KANK1: variants seen among roughly 807,000 people sequenced by gnomAD.
KANK1 encodes the protein KN motif and ankyrin repeat domains 1.
In KANK1, 109 loss-of-function variants were observed where a neutral mutation model predicts 106.2. The ratio of observed to expected loss-of-function variants is 1.03; its 90% CI spans 0.88 to 1.20. KANK1 has a LOEUF of 1.20. Ranked by LOEUF, KANK1 falls within the 50% of genes most tolerant of loss-of-function variation. The pLI, the probability that KANK1 is intolerant of heterozygous loss-of-function variation, is 0.00. For synonymous variants in KANK1, 873 were observed against 652.2 expected (o/e 1.34, Z -5.16); for missense variants, 2,399 against 1,710.7 (o/e 1.40, Z -7.10).
At chr9:550,392 T>G (rs1315943299) in intron 1 of KANK1, among the ~76,000 whole-genome samples, 1 of 152,240 alleles carries the variant, frequency 6.6e-6, no homozygotes, top group Non-Finnish European at 1.5e-5. Flanking sequence ...GAAGCCTGAT[T>G]GCAGATCTCG....
intron 2 of KANK1, among the ~76,000 whole-genome samples, chr9:700,149 G>C (rs1822290680): frequency 6.6e-6 from 1 of 152,160 alleles, no homozygotes; most frequent in African/African-American, 2.4e-5. Context: ...TGAATGAACG[G>C]GTTTTATCTG....
chr9:514,145 TTC>T (rs1563696818), intron 1 of KANK1, among the ~76,000 whole-genome samples: 66 of 56,374 alleles, frequency 1.2e-3, no homozygotes, highest in African/African-American at 5.4e-3. Flanking sequence ...CCTCCCTCCC[TTC>T]CTCTCTCCCT....
chr9:552,393 G>A (rs1290582015), intron 1 of KANK1, among the ~76,000 whole-genome samples: 2 of 152,160 alleles, frequency 1.3e-5, no homozygotes, highest in Non-Finnish European at 2.9e-5. Context: ...TTTTTATGAA[G>A]GCCGCACACC....
rs148049100 is a variant in KANK1, at chr9:680,586, G to A, written c.37+3577G>A. The stretch of plus-strand genomic sequence containing the variant: ...CCAGATATACATGAGCACCTACTAC[G>A]TGCTGTTTTAGGTACTGGGGATACA... On this transcript the variant is annotated intron_variant, in intron 2 of 11. Transcript: ENST00000382297. 2.1e-3 allele frequency among the ~76,000 whole-genome samples: 319 copies of A among 152,224 alleles called. 4 individuals are homozygous for A. Among genetic ancestry groups the A allele is most frequent in the African/African-American group, 7.1e-3 (295 of 41,536 alleles).
At chr9:735,170 A>T (rs557794604) in intron 7 of KANK1, among the ~76,000 whole-genome samples, 5 of 152,208 alleles carry the variant, frequency 3.3e-5, no homozygotes, top group Admixed American at 2.6e-4. Context: ...ATAGAACAGT[A>T]AGATCCAGGG....
chr9:726,621 G>C (rs1287966890), intron 3 of KANK1, among the ~76,000 whole-genome samples: 2 of 151,592 alleles, frequency 1.3e-5, no homozygotes, highest in African/African-American at 2.4e-5. Flanking sequence ...CCTAGCAACA[G>C]AGTAAGACTC....
At chr9:625,870 C>T (rs961148099) in intron 1 of KANK1, among the ~76,000 whole-genome samples, 2 of 152,104 alleles carry the variant, frequency 1.3e-5, no homozygotes, top group African/African-American at 2.4e-5. Context: ...CCACTCGGTT[C>T]ATTTCCCGGT....
chr9:695,967 C>G (rs1009981121), intron 2 of KANK1, among the ~76,000 whole-genome samples: 3 of 152,028 alleles, frequency 2.0e-5, no homozygotes, highest in African/African-American at 7.2e-5. Flanking sequence ...GGCCATGTAC[C>G]AAGCGCCAAG....
At chr9:598,557 TA>T (rs1430144042) in intron 1 of KANK1, among the ~76,000 whole-genome samples, 1 of 150,836 alleles carries the variant, frequency 6.6e-6, no homozygotes, top group Non-Finnish European at 1.5e-5. Context: ...TTCCAGTGTG[TA>T]AGTCTTTTGC....
In KANK1 at chr9:675,784, A is replaced by G. The variant is rs146617074; in HGVS notation, c.-83-1106A>G. 2.9e-4 allele frequency among the ~76,000 whole-genome samples: 44 copies of G among 152,312 alleles called. 1 individual carries two copies. Among genetic ancestry groups the G allele is most frequent in the African/African-American group, 1.0e-3 (43 of 41,554 alleles). ...AGTTTATTAAGAAAATAAAGGAATA[A>G]AGAATGGCTACTCCATAGGCAGAGC... On this transcript the variant is annotated intron_variant, in intron 1 of 11. Transcript: ENST00000382297.
intron 1 of KANK1, among the ~76,000 whole-genome samples, chr9:674,861 C>A (rs1171306203): frequency 1.3e-5 from 2 of 151,836 alleles, no homozygotes; most frequent in African/African-American, 4.8e-5. Flanking sequence ...GCACCACCAG[C>A]CTTGGCTAAT....
intron 2 of KANK1, among the ~76,000 whole-genome samples, chr9:704,704 G>C (rs1055486028): frequency 1.3e-5 from 2 of 152,106 alleles, no homozygotes; most frequent in African/African-American, 2.4e-5. Flanking sequence ...GCCCAGGCCA[G>C]GTATAGTGGC....
rs79190748 is a variant in KANK1 at position 563,622 on chromosome 9, C to A, written c.-84+58868C>A. On this transcript the variant is annotated intron_variant, in intron 1 of 11. Coordinates refer to ENST00000382297, the MANE Select transcript of KANK1 (RefSeq NM_015158.5). Reference sequence around the variant, plus strand: ...TCTATATTTTCAAATAGGCAGTAGACCCATTCGTTTCTTATCCTTGGGTGT... The same window carrying A: ...TCTATATTTTCAAATAGGCAGTAGAACCATTCGTTTCTTATCCTTGGGTGT... Among the ~76,000 whole-genome samples the A allele has an allele frequency of 6.9e-3, 1,050 of 152,254 alleles. 15 individuals carry two copies. Among genetic ancestry groups the A allele is most frequent in the African/African-American group, 0.023 (961 of 41,526 alleles).
At chr9:623,144 C>T (rs1833545601) in intron 1 of KANK1, among the ~76,000 whole-genome samples, 2 of 151,930 alleles carry the variant, frequency 1.3e-5, no homozygotes, top group African/African-American at 4.8e-5. Context: ...GAGAGAATGT[C>T]TACAAACCAT....
intron 1 of KANK1, among the ~76,000 whole-genome samples, chr9:545,435 A>G (rs1410419481): frequency 6.6e-6 from 1 of 152,138 alleles, no homozygotes; most frequent in African/African-American, 2.4e-5. Flanking sequence ...GTGGATAGTA[A>G]CTGCAGCGGA....
intron 1 of KANK1, among the ~76,000 whole-genome samples, chr9:570,257 C>T (rs952488565): frequency 1.3e-5 from 2 of 152,080 alleles, no homozygotes; most frequent in East Asian, 1.9e-4. Flanking sequence ...ATTTTAAATC[C>T]GTAGCTGTAT....
At position 714,722 on chromosome 9, in the gene KANK1, C is replaced by T. The variant is rs532779975; in HGVS notation, c.2698+1258C>T. ...GTATTCATTGGGATTCCTGCTCACT[C>T]TTCCTTCTTGAAATTGAAGCTAATA... On this transcript the variant is annotated intron_variant, in intron 3 of 11. Transcript: ENST00000382297. Among the ~76,000 whole-genome samples, 287 of 152,296 alleles carry T rather than the reference C, an allele frequency of 1.9e-3. 3 individuals carry two copies. Among genetic ancestry groups the T allele is most frequent in the African/African-American group, 6.7e-3 (279 of 41,556 alleles).
chr9:597,756 T>G (rs1344637774), intron 1 of KANK1, among the ~76,000 whole-genome samples: 1 of 151,628 alleles, frequency 6.6e-6, no homozygotes, highest in Non-Finnish European at 1.5e-5. Context: ...CTCTGTCTCC[T>G]GGGTTCAAGT....
intron 1 of KANK1, among the ~76,000 whole-genome samples, chr9:640,963 A>G (rs1211622860): frequency 3.3e-5 from 5 of 151,656 alleles, no homozygotes; most frequent in Admixed American, 3.3e-4. Flanking sequence ...CCCAAAGTCC[A>G]GGGATTACAG....
Sources: allele counts gnomAD v4.1 joint callset (sites outside exome capture counted in the v4.1 genomes callset), GRCh38; gene constraint gnomAD v4.1.1; transcripts MANE v1.5; gene names NCBI Gene and HGNC (gene_info 2026-07-23, HGNC 2026-07-21).